Variants in ZGRF1 observed in about 807,000 individuals in gnomAD.
ZGRF1 encodes 5'-3' DNA helicase ZGRF1.
In ZGRF1, 196 loss-of-function variants were observed where a neutral mutation model predicts 203.5. That is an observed-to-expected ratio of 0.96 (90% CI 0.86 to 1.08). The LOEUF (loss-of-function observed/expected upper bound fraction) is 1.08, where lower values mean the gene tolerates loss of function less well. ZGRF1 is among the 50% of genes least tolerant of loss of function. The pLI is 0.00. For missense variants in ZGRF1, 2,326 were observed against 2,416.3 expected (o/e 0.96, Z 0.78); for synonymous variants, 809 against 841.3 (o/e 0.96, Z 0.66).
chr4:112,628,917 AG>A (rs1554006258), intron 3 of ZGRF1: 7 of 382,654 alleles, frequency 1.8e-5, no homozygotes, highest in Non-Finnish European at 3.5e-5. Context: ...TGAATGAATT[AG>A]TTTATGTATT....
intron 10 of ZGRF1, among the ~76,000 whole-genome samples, chr4:112,603,134 T>C (rs1342714725): frequency 6.6e-6 from 1 of 152,214 alleles, no homozygotes; most frequent in East Asian, 1.9e-4. Context: ...ATGACCTCTA[T>C]TTTCATCCCC....
chr4:112,562,324 A>C, intron 18 of ZGRF1, 47 bp downstream of exon 18: 1 of 973,938 alleles, frequency 1.0e-6, no homozygotes, highest in East Asian at 2.6e-5. Context: ...TTTACTTCTG[A>C]TTACCATTTT....
chr4:112,564,382 G>A (rs1578290808), intron 16 of ZGRF1, among the ~76,000 whole-genome samples: 2 of 152,042 alleles, frequency 1.3e-5, no homozygotes, highest in African/African-American at 4.8e-5. Flanking sequence ...GACTAAACTG[G>A]GCAGCGACTA....
At chr4:112,573,231 A>G (rs1744532553) in intron 16 of ZGRF1, among the ~76,000 whole-genome samples, 1 of 151,910 alleles carries the variant, frequency 6.6e-6, no homozygotes, top group Non-Finnish European at 1.5e-5. Flanking sequence ...CATAAAAAGA[A>G]ACGAATAATG....
At chr4:112,589,476 C>T (rs183348878) in intron 11 of ZGRF1, among the ~76,000 whole-genome samples, 129 of 152,204 alleles carry the variant, frequency 8.5e-4, no homozygotes, top group African/African-American at 2.5e-3. Context: ...GTAGAAGATA[C>T]TTTCAGGGGT....
At chr4:112,569,473 C>A (rs538002388) in intron 16 of ZGRF1, among the ~76,000 whole-genome samples, 1 of 152,270 alleles carries the variant, frequency 6.6e-6, no homozygotes, top group South Asian at 2.1e-4. Flanking sequence ...TGGACCAGAA[C>A]CAGCCTACAG....
At chr4:112,541,538 T>TG (rs202195996) in intron 24 of ZGRF1, among the ~76,000 whole-genome samples, 5,593 of 150,478 alleles carry the variant, frequency 0.037, 197 homozygotes, top group East Asian at 0.19. Flanking sequence ...TGTTTTGTTT[T>TG]TTTTTTTTTT....
rs1488147915 is a variant in ZGRF1, at chr4:112,587,301, G to A, written c.3756C>T (p.Asn1252=). The part of the protein sequence containing the change: ...KNVLGGSTCY[N]YSVKDLQEIS... The stretch of plus-strand genomic sequence containing the variant: ...TCACCTGTAAATCCTTTACACTGTA[G>A]TTGTAGCAGGTAGACCCTCCTAATA... The change falls in exon 12 of 28, where the codon AAC becomes AAT. Residue 1252 remains asparagine, a synonymous_variant. Coordinates refer to ENST00000505019, the MANE Select transcript of ZGRF1 (RefSeq NM_018392.5). 1.9e-6 allele frequency: 3 copies of A among 1,610,848 alleles called. No individual in the cohort carries two copies. The highest frequency in any genetic ancestry group is 1.7e-5 in the Admixed American group (1 of 59,902).
intron 6 of ZGRF1, among the ~76,000 whole-genome samples, chr4:112,615,905 G>A (rs2046852654): frequency 6.6e-6 from 1 of 152,012 alleles, no homozygotes; most frequent in African/African-American, 2.4e-5. Flanking sequence ...AAAGTGCTGG[G>A]ATTACAGGCA....
At chr4:112,625,696 A>AC (rs981936225) in intron 3 of ZGRF1, among the ~76,000 whole-genome samples, 1 of 151,960 alleles carries the variant, frequency 6.6e-6, no homozygotes, top group African/African-American at 2.4e-5. Flanking sequence ...CAGGAGTTCG[A>AC]GACCAGCCTG....
chr4:112,550,119 G>A (rs183066284), intron 22 of ZGRF1, among the ~76,000 whole-genome samples: 228 of 152,152 alleles, frequency 1.5e-3, no homozygotes, highest in Middle Eastern at 0.01. Context: ...GTGAACCCGG[G>A]AGGCAGAGCT....
chr4:112,625,172 C>T (rs2047191774), intron 3 of ZGRF1, among the ~76,000 whole-genome samples: 2 of 152,100 alleles, frequency 1.3e-5, no homozygotes, highest in African/African-American at 4.8e-5. Context: ...CTAAGTAGTC[C>T]CAACTACTTC....
chr4:112,628,543 G>T, intron 3 of ZGRF1: 1 of 454,822 alleles, frequency 2.2e-6, no homozygotes, highest in Non-Finnish European at 4.4e-6. Flanking sequence ...GGCATAACTA[G>T]CAAGAGAAGA....
At chr4:112,606,229 T>C in intron 8 of ZGRF1, 138 bp from the exon 9 acceptor site, 1 of 601,698 alleles carries the variant, frequency 1.7e-6, no homozygotes, top group East Asian at 2.8e-5. Context: ...TGCTTCTGTC[T>C]ACACACACAT....
chr4:112,546,564 G>A (rs1431177865), intron 24 of ZGRF1, among the ~76,000 whole-genome samples: 1 of 152,176 alleles, frequency 6.6e-6, no homozygotes, highest in Non-Finnish European at 1.5e-5. Flanking sequence ...ACTTTCAAAA[G>A]GTGATTTAGG....
intron 24 of ZGRF1, among the ~76,000 whole-genome samples, chr4:112,542,067 G>T (rs750072059): frequency 2.6e-5 from 4 of 152,068 alleles, no homozygotes; most frequent in Non-Finnish European, 5.9e-5. Flanking sequence ...CACGCCAGGC[G>T]CAGTGGTTCA....
chr4:112,616,754 T>C (rs2046888677), intron 6 of ZGRF1, among the ~76,000 whole-genome samples: 1 of 151,054 alleles, frequency 6.6e-6, no homozygotes, highest in Non-Finnish European at 1.5e-5. Flanking sequence ...GGAGAATCAC[T>C]TGAACCCAGG....
chr4:112,572,756 C>T (rs184072947), intron 16 of ZGRF1, among the ~76,000 whole-genome samples: 1 of 152,206 alleles, frequency 6.6e-6, no homozygotes, highest in African/African-American at 2.4e-5. Context: ...CATGAATAGA[C>T]AATTCTCAAA....
intron 16 of ZGRF1, among the ~76,000 whole-genome samples, chr4:112,576,598 T>C (rs187231106): frequency 6.6e-6 from 1 of 152,136 alleles, no homozygotes; most frequent in Non-Finnish European, 1.5e-5. Flanking sequence ...CTGATGGAGC[T>C]GAAAACCATG....
Sources: gnomAD v4.1 joint callset for allele counts (sites outside exome capture counted in the v4.1 genomes callset) on GRCh38, gnomAD v4.1.1 for gene constraint, MANE v1.5 for transcripts, NCBI Gene and HGNC (gene_info 2026-07-23, HGNC 2026-07-21) for gene names.